The following ITCH variants were observed in gnomAD, a reference collection of about 807,000 sequenced individuals.
ITCH encodes E3 ubiquitin-protein ligase Itchy homolog.
ITCH carries 28 observed loss-of-function variants against 126.8 expected under a neutral mutation model. The observed-to-expected ratio is 0.22, with a 90% CI of 0.16 to 0.30. ITCH has a LOEUF of 0.30. Ranked by LOEUF, ITCH falls within the 10% of genes least tolerant of loss-of-function variation. ITCH has a pLI of 1.00. For missense variants in ITCH, 631 were observed against 1,032.4 expected, an observed-to-expected ratio of 0.61 and a Z score of 5.33; for synonymous variants, 342 against 340.0, an observed-to-expected ratio of 1.01 and a Z score of -0.06.
intron 12 of ITCH, 148 bp downstream of exon 12, chr20:34,449,628 T>A: frequency 1.6e-6 from 1 of 624,222 alleles, no homozygotes; most frequent in East Asian, 2.8e-5. Flanking sequence ...TATATATCAG[T>A]TTAATTCACA....
At chr20:34,460,278 T>C (rs1461399759) in intron 13 of ITCH, among the ~76,000 whole-genome samples, 1 of 151,400 alleles carries the variant, frequency 6.6e-6, no homozygotes, top group Non-Finnish European at 1.5e-5. Flanking sequence ...AGCCTTGACC[T>C]CCTGGGCTCA....
chr20:34,393,891 A>G lies in ITCH; in HGVS notation c.70+10A>G. 6.2e-7 allele frequency: 1 copy of G among 1,610,550 alleles called. No individual in the cohort carries two copies. The highest frequency in any genetic ancestry group is 2.2e-5 in the East Asian group (1 of 44,870). ...CAGCTTCAGATCACTGGTAAGTTTTAGAAACATCGGCTGCTTTACTTTATT... is the reference window on the plus strand; with the variant it reads ...CAGCTTCAGATCACTGGTAAGTTTTGGAAACATCGGCTGCTTTACTTTATT... On this transcript the variant is annotated intron_variant, in intron 3 of 24. Transcript: ENST00000374864.
At chr20:34,366,624 T>C (rs2037431448) in intron 1 of ITCH, among the ~76,000 whole-genome samples, 1 of 151,776 alleles carries the variant, frequency 6.6e-6, no homozygotes, top group African/African-American at 2.4e-5. Context: ...CTCAACAGTT[T>C]GGGAGGCTGA....
chr20:34,418,047 A>G (rs1477118013), intron 6 of ITCH, among the ~76,000 whole-genome samples: 2 of 150,212 alleles, frequency 1.3e-5, no homozygotes, highest in Non-Finnish European at 3.0e-5. Context: ...GCTCACTGCA[A>G]CCTCCGCCTC....
chr20:34,440,261 T>G lies in ITCH; in HGVS notation c.786T>G (p.Ser262=), dbSNP rs945387909. ...TNTNTSEGAT[S]GLIIPLTISG... ...CAAATACATCTGAAGGAGCAACATC[T>G]GGATTAATAATTCCTCTTACTATAT... Residue 262 remains serine, a synonymous_variant, in exon 9 of 25, where the codon TCT becomes TCG. Transcript: ENST00000374864. The G allele has an allele frequency of 6.2e-7, 1 of 1,613,906 alleles. No homozygotes were observed. The highest frequency in any genetic ancestry group is 1.3e-5 in the African/African-American group (1 of 74,938).
intron 10 of ITCH, among the ~76,000 whole-genome samples, chr20:34,443,323 A>G (rs1984011668): frequency 6.6e-6 from 1 of 151,930 alleles, no homozygotes; most frequent in South Asian, 2.1e-4. Flanking sequence ...CATCCTAGCC[A>G]ACATGTTGAA....
intron 23 of ITCH, among the ~76,000 whole-genome samples, chr20:34,497,500 C>G (rs1989966585): frequency 6.6e-6 from 1 of 152,184 alleles, no homozygotes; most frequent in African/African-American, 2.4e-5. Flanking sequence ...TTTGGCTATT[C>G]AGGATCCTTT....
At chr20:34,370,725 G>T (rs192017917) in intron 2 of ITCH, among the ~76,000 whole-genome samples, 1 of 151,440 alleles carries the variant, frequency 6.6e-6, no homozygotes, top group Admixed American at 6.6e-5. Flanking sequence ...GTTGAGAGTA[G>T]TATTGTGAAG....
intron 16 of ITCH, among the ~76,000 whole-genome samples, chr20:34,473,175 T>G (rs1987809754): frequency 6.6e-6 from 1 of 152,140 alleles, no homozygotes; most frequent in South Asian, 2.1e-4. Context: ...GCATCAGATT[T>G]TCTTTGGATA....
intron 3 of ITCH, among the ~76,000 whole-genome samples, chr20:34,404,048 C>T (rs1313732894): frequency 6.6e-6 from 1 of 152,060 alleles, no homozygotes; most frequent in African/African-American, 2.4e-5. Flanking sequence ...ACATTAATGA[C>T]ATGATCACAT....
chr20:34,368,304 G>T (rs1472401692), intron 1 of ITCH, among the ~76,000 whole-genome samples: 1 of 151,374 alleles, frequency 6.6e-6, no homozygotes, highest in Admixed American at 6.6e-5. Context: ...TGTTAGTACT[G>T]ATAGGAAATA....
chr20:34,418,757 C>CTTTTTTTTTTT (rs373974620), intron 6 of ITCH, among the ~76,000 whole-genome samples: 5 of 116,532 alleles, frequency 4.3e-5, no homozygotes, highest in African/African-American at 1.0e-4. Context: ...TCTTTTTTTC[C>CTTTTTTTTTTT]TTTTTTTTTT....
At position 34,494,820 on chromosome 20, in the gene ITCH, G is replaced by A. The variant is rs183366215; in HGVS notation, c.2416+2223G>A. Among the ~76,000 whole-genome samples the A allele has an allele frequency of 9.9e-5, 15 of 152,050 alleles. No individual in the cohort carries two copies. In the East Asian group the frequency reaches 1.2e-3, roughly 12 times the overall value. ...CAGAAAATTTAGAAGTTAGCTGAGC[G>A]TGGTGGTACATGCCTGTAGTCCCTG... On this transcript the variant is annotated intron_variant, in intron 23 of 24. Transcript: ENST00000374864.
intron 2 of ITCH, among the ~76,000 whole-genome samples, chr20:34,378,477 A>AAAAAAAAAAAAAAAAAAAGATGT (rs2037930919): frequency 2.0e-5 from 3 of 150,170 alleles, no homozygotes; most frequent in African/African-American, 7.3e-5. Flanking sequence ...GTCTCAAAAA[A>AAAAAAAAAAAAAAAAAAAGATGT]AAAAAAAAAA....
intron 14 of ITCH, among the ~76,000 whole-genome samples, chr20:34,467,921 C>T (rs1215687928): frequency 2.0e-5 from 3 of 151,820 alleles, no homozygotes; most frequent in African/African-American, 4.8e-5. Context: ...AGTGACATTC[C>T]ATGTCAAAAC....
Position 34,471,398 on chromosome 20 carries a change from G to C in ITCH, c.1498-46G>C, listed in dbSNP as rs1224083380. The stretch of plus-strand genomic sequence containing the variant: ...TTTCCCCTTTTGATTTTTTTGATAG[G>C]CTATTTTAATGATGAGAGTTGACTT... On this transcript the variant is annotated intron_variant, in intron 15 of 24. Transcript: ENST00000374864. 4.6e-6 allele frequency: 5 copies of C among 1,092,436 alleles called. No homozygotes were observed. In the African/African-American group the frequency reaches 7.7e-5, roughly 17 times the overall value. The allele number at this position is 1,092,436 out of a possible 1,614,324, so 67.7% of individuals were successfully genotyped here.
chr20:34,495,502 C>T (rs992292760), intron 23 of ITCH, among the ~76,000 whole-genome samples: 3 of 151,790 alleles, frequency 2.0e-5, no homozygotes, highest in East Asian at 1.9e-4. Flanking sequence ...TCTATGAGAT[C>T]GGCTTTCTTA....
At chr20:34,390,822 G>A (rs945161412) in intron 2 of ITCH, among the ~76,000 whole-genome samples, 2 of 151,540 alleles carry the variant, frequency 1.3e-5, no homozygotes, top group South Asian at 2.1e-4. Flanking sequence ...GTGCAATGGC[G>A]CAATCTTGGC....
At chr20:34,449,606 T>A in intron 12 of ITCH, 126 bp downstream of exon 12, 1 of 682,754 alleles carries the variant, frequency 1.5e-6, no homozygotes, top group South Asian at 1.7e-5. Context: ...TCTGGGAAGT[T>A]TTTTTTTAAT....
Sources: gnomAD v4.1 joint callset for allele counts (sites outside exome capture counted in the v4.1 genomes callset) on GRCh38, gnomAD v4.1.1 for gene constraint, MANE v1.5 for transcripts, NCBI Gene and HGNC (gene_info 2026-07-23, HGNC 2026-07-21) for gene names.